Variants in SUSD5 observed in about 807,000 individuals in gnomAD.
SUSD5 encodes the protein sushi domain containing 5.
Under a neutral mutation model 29.5 loss-of-function variants are expected in SUSD5, and 33 were observed. The ratio of observed to expected loss-of-function variants is 1.12; its 90% CI spans 0.85 to 1.49. The LOEUF (loss-of-function observed/expected upper bound fraction) is 1.49. Ranked by LOEUF, SUSD5 falls within the 40% of genes most tolerant of loss-of-function variation. The pLI is 0.00. For synonymous variants in SUSD5, 308 were observed against 325.3 expected (o/e 0.95, Z 0.57); for missense variants, 776 against 800.6 (o/e 0.97, Z 0.37).
intron 3 of SUSD5, among the ~76,000 whole-genome samples, chr3:33,181,042 AG>A (rs1356118024): frequency 6.8e-6 from 1 of 146,548 alleles, no homozygotes; most frequent in East Asian, 2.1e-4. Context: ...AAGGATATAA[AG>A]AAAGAAAATG....
chr3:33,207,334 A>G (rs1190603201), intron 3 of SUSD5, among the ~76,000 whole-genome samples: 2 of 152,254 alleles, frequency 1.3e-5, no homozygotes, highest in East Asian at 3.9e-4. Flanking sequence ...TCCCATGCAC[A>G]CGGACTCCTG....
At chr3:33,207,989 TTC>T in intron 2 of SUSD5, 63 bp from the exon 3 acceptor site, 2 of 1,248,682 alleles carry the variant, frequency 1.6e-6, no homozygotes, top group African/African-American at 3.0e-5. Context: ...TAAGGAATAA[TTC>T]TCTTCTGCTG....
intron 1 of SUSD5, among the ~76,000 whole-genome samples, chr3:33,214,517 G>C (rs980370575): frequency 1.3e-5 from 2 of 151,902 alleles, no homozygotes; most frequent in Non-Finnish European, 2.9e-5. Flanking sequence ...CTCAGCCCTA[G>C]GATGACCCCC....
At chr3:33,209,952 T>G (rs183473835) in intron 2 of SUSD5, among the ~76,000 whole-genome samples, 31 of 152,364 alleles carry the variant, frequency 2.0e-4, no homozygotes, top group African/African-American at 5.8e-4. Flanking sequence ...TCTCATCTTT[T>G]ATATCTTTGA....
At chr3:33,156,148 C>T (rs60095052) in intron 4 of SUSD5, among the ~76,000 whole-genome samples, 16,415 of 151,640 alleles carry the variant, frequency 0.11, 962 homozygotes, top group East Asian at 0.18. Flanking sequence ...TCAAGCGATT[C>T]TCCTGCCTCG....
At chr3:33,163,448 A>G (rs1402350977) in intron 4 of SUSD5, among the ~76,000 whole-genome samples, 1 of 152,174 alleles carries the variant, frequency 6.6e-6, no homozygotes, top group Non-Finnish European at 1.5e-5. Flanking sequence ...ATATTTGAAA[A>G]AAAGGAGTTT....
intron 3 of SUSD5, among the ~76,000 whole-genome samples, chr3:33,175,342 T>C (rs544248199): frequency 6.6e-6 from 1 of 152,270 alleles, no homozygotes; most frequent in South Asian, 2.1e-4. Flanking sequence ...AATGTTACCT[T>C]CTAATGTTTC....
At chr3:33,154,996 G>A (rs747206603) in intron 4 of SUSD5, among the ~76,000 whole-genome samples, 3 of 152,196 alleles carry the variant, frequency 2.0e-5, no homozygotes, top group Non-Finnish European at 4.4e-5. Context: ...AGAAAAAGCC[G>A]GAAGACATAT....
chr3:33,213,988 A>G lies in SUSD5; in HGVS notation c.230T>C (p.Val77Ala), dbSNP rs1469882373. The change falls in exon 2 of 5, where the codon GTG becomes GCG. Residue 77 changes from valine to alanine, a missense_variant. By Grantham distance (64) the Val-to-Ala change is moderately conservative (BLOSUM62 0). Transcript: ENST00000309558. ...HLASADELRR[V>A]VQDCSFAVCT... ...CACCGCAAAGGAGCAATCCTGTACCACTCTCCGCAGCTCGTCTGCAGATGC... is the reference window on the plus strand; with the variant it reads ...CACCGCAAAGGAGCAATCCTGTACCGCTCTCCGCAGCTCGTCTGCAGATGC... 1 of 1,613,316 alleles carries G rather than the reference A, an allele frequency of 6.2e-7. No individual in the cohort carries two copies. Among genetic ancestry groups the G allele is most frequent in the South Asian group, 1.1e-5 (1 of 90,990 alleles).
rs902029391 is a variant in SUSD5, at chr3:33,167,104, G to A, written c.598+7782C>T. 6.6e-6 allele frequency among the ~76,000 whole-genome samples: 1 copy of A among 151,158 alleles called. No individual in the cohort carries two copies. The highest frequency in any genetic ancestry group is 1.5e-5 in the Non-Finnish European group (1 of 67,770). ...TGAGGCAGAAGAACAGCTTGAACCC[G>A]GGAGGCGGAGGGTGCAGTGAGCCGA... is the stretch of plus-strand genomic sequence containing the variant. On this transcript the variant is annotated intron_variant, in intron 4 of 4. Transcript: ENST00000309558. This position sits in a 1 kb window ranked among gnomAD's most constrained non-coding sequence, Gnocchi z 4.1.
In SUSD5 at chr3:33,152,166, C is replaced by T. The variant is rs1468179830; in HGVS notation, c.*576G>A. 1 of 152,516 alleles carries T rather than the reference C, an allele frequency of 6.6e-6. No homozygotes were observed. The highest frequency in any genetic ancestry group is 6.5e-5 in the Admixed American group (1 of 15,308). 9.4% of individuals were successfully genotyped at this position (152,516 alleles called of 1,614,324 possible). A position where few individuals can be genotyped will look rare whatever the true frequency, so the allele number is the denominator to read the frequency against. On this transcript the variant is annotated 3_prime_UTR_variant, in exon 5 of 5. Transcript: ENST00000309558. ...TGTGATGTGGCTCACACCTGGAATC[C>T]TAGCACTTTGGGAGGCTAAGGAGGG...
At chr3:33,161,650 G>C (rs2031190889) in intron 4 of SUSD5, among the ~76,000 whole-genome samples, 1 of 152,060 alleles carries the variant, frequency 6.6e-6, no homozygotes, top group East Asian at 1.9e-4. Flanking sequence ...TAAGTACACA[G>C]ATGAGTTGAA....
rs775182847 is a variant in SUSD5 at position 33,174,569 on chromosome 3, C to T, written c.598+317G>A. Among the ~76,000 whole-genome samples the T allele has an allele frequency of 3.9e-5, 6 of 152,270 alleles. No homozygotes were observed. In the East Asian group the frequency reaches 7.7e-4, roughly 20 times the overall value. ...CTGCTTTGTACCACAGCTGATGTTC[C>T]GACTTGACCAGGTTTCCAGGGAAAT... On this transcript the variant is annotated intron_variant, in intron 4 of 4. Coordinates refer to ENST00000309558, the MANE Select transcript of SUSD5 (RefSeq NM_015551.2).
At chr3:33,188,141 T>A (rs965720244) in intron 3 of SUSD5, among the ~76,000 whole-genome samples, 4 of 152,220 alleles carry the variant, frequency 2.6e-5, no homozygotes, top group Admixed American at 6.5e-5. Flanking sequence ...TGCCTGCCAA[T>A]CAAAGCTTCT....
intron 3 of SUSD5, among the ~76,000 whole-genome samples, chr3:33,207,042 C>G (rs574769868): frequency 3.5e-4 from 54 of 152,134 alleles, no homozygotes; most frequent in African/African-American, 1.3e-3. Flanking sequence ...GTATGTGTTT[C>G]TGATAACAGA....
At chr3:33,185,950 T>TA (rs11431922) in intron 3 of SUSD5, among the ~76,000 whole-genome samples, 39,129 of 151,902 alleles carry the variant, frequency 0.26, 5,361 homozygotes, top group East Asian at 0.42. Context: ...ATGTTACAAT[T>TA]AAAAAAAATT....
intron 3 of SUSD5, among the ~76,000 whole-genome samples, chr3:33,183,816 G>C (rs1336226284): frequency 6.7e-6 from 1 of 149,114 alleles, no homozygotes; most frequent in African/African-American, 2.5e-5. Flanking sequence ...TTTTTTGTTT[G>C]TTTGAGAAAG....
intron 3 of SUSD5, among the ~76,000 whole-genome samples, chr3:33,188,499 T>C (rs1003813204): frequency 2.6e-5 from 4 of 152,124 alleles, no homozygotes; most frequent in African/African-American, 7.2e-5. Flanking sequence ...ACCTGGAAGG[T>C]TTGTAAAAAT....
chr3:33,211,747 C>A (rs565207013), intron 2 of SUSD5, among the ~76,000 whole-genome samples: 1 of 152,322 alleles, frequency 6.6e-6, no homozygotes, highest in Non-Finnish European at 1.5e-5. Context: ...CTGAGCATGA[C>A]TAAAGAAGTG....
Sources: allele counts gnomAD v4.1 joint callset (sites outside exome capture counted in the v4.1 genomes callset), GRCh38; gene constraint gnomAD v4.1.1; non-coding constraint Gnocchi (gnomAD v3.1); transcripts MANE v1.5; gene names NCBI Gene and HGNC (gene_info 2026-07-23, HGNC 2026-07-21).